GRIP1: variants seen among roughly 807,000 people sequenced by gnomAD.
The protein encoded by GRIP1 is glutamate receptor-interacting protein 1.
In GRIP1, 45 loss-of-function variants were observed where a neutral mutation model predicts 129.9. That is an observed-to-expected ratio of 0.35 (90% CI 0.27 to 0.44). The LOEUF is 0.44. GRIP1 is among the 20% of genes least tolerant of loss of function. GRIP1 has a pLI of 1.00. For synonymous variants in GRIP1, 530 were observed against 520.8 expected (o/e 1.02, Z -0.24); for missense variants, 1,196 against 1,396.8 (o/e 0.86, Z 2.29).
intron 1 of GRIP1, among the ~76,000 whole-genome samples, chr12:66,686,054 A>G (rs902833953): frequency 6.6e-6 from 1 of 152,246 alleles, no homozygotes; most frequent in African/African-American, 2.4e-5. Flanking sequence ...GAGGACGCTC[A>G]TAAATTACTT....
chr12:66,954,846 G>C (rs1455339064), intron 1 of GRIP1, among the ~76,000 whole-genome samples: 1 of 152,052 alleles, frequency 6.6e-6, no homozygotes, highest in Non-Finnish European at 1.5e-5. Flanking sequence ...ACGTGCTATG[G>C]GGGAGGCAGT....
intron 1 of GRIP1, among the ~76,000 whole-genome samples, chr12:67,067,060 G>C (rs2043642916): frequency 6.6e-6 from 1 of 151,716 alleles, no homozygotes; most frequent in Non-Finnish European, 1.5e-5. Context: ...ATTTAGAAAA[G>C]CATCTCTTAA....
chr12:66,477,966 G>T (rs1170407435), intron 7 of GRIP1, among the ~76,000 whole-genome samples: 1 of 151,756 alleles, frequency 6.6e-6, no homozygotes, highest in Non-Finnish European at 1.5e-5. Context: ...ACATAGGGAT[G>T]GGCAAGGACT....
intron 1 of GRIP1, among the ~76,000 whole-genome samples, chr12:66,889,481 T>C (rs953102775): frequency 1.3e-5 from 2 of 152,090 alleles, no homozygotes; most frequent in African/African-American, 4.8e-5. Context: ...AAAATAATAA[T>C]AATTTCAAAG....
chr12:66,929,560 CA>C (rs1947154012), intron 1 of GRIP1, among the ~76,000 whole-genome samples: 1 of 152,124 alleles, frequency 6.6e-6, no homozygotes, highest in Non-Finnish European at 1.5e-5. Context: ...ATTTTTGAAT[CA>C]TAAGTGAATA....
At chr12:66,781,729 C>T (rs1198333618) in intron 1 of GRIP1, among the ~76,000 whole-genome samples, 2 of 152,118 alleles carry the variant, frequency 1.3e-5, no homozygotes, top group Non-Finnish European at 2.9e-5. Flanking sequence ...GTAGAAGATA[C>T]AGGTATTGGA....
intron 2 of GRIP1, among the ~76,000 whole-genome samples, chr12:66,565,874 T>A (rs1009255591): frequency 6.6e-6 from 1 of 152,236 alleles, no homozygotes; most frequent in Non-Finnish European, 1.5e-5. Flanking sequence ...GGTATTTTAT[T>A]CTCTTTGAAA....
chr12:66,394,462 G>A (rs761011573), intron 16 of GRIP1, 110 bp from the exon 17 acceptor site: 11 of 898,906 alleles, frequency 1.2e-5, no homozygotes, highest in Non-Finnish European at 2.0e-5. Context: ...AAAGTATCAT[G>A]TCACAGAAAA....
chr12:67,061,735 A>C (rs1431690625), intron 1 of GRIP1, among the ~76,000 whole-genome samples: 2 of 152,206 alleles, frequency 1.3e-5, no homozygotes, highest in Non-Finnish European at 2.9e-5. Context: ...TATAAATAAA[A>C]GAAGAAAGCT....
chr12:66,556,378 A>G (rs2062334271), intron 2 of GRIP1, among the ~76,000 whole-genome samples: 1 of 152,162 alleles, frequency 6.6e-6, no homozygotes, highest in Non-Finnish European at 1.5e-5. Flanking sequence ...TAGACAAACA[A>G]AAGCTGAGGG....
chr12:67,041,339 T>C (rs1204947734), intron 1 of GRIP1, among the ~76,000 whole-genome samples: 2 of 152,098 alleles, frequency 1.3e-5, no homozygotes, highest in Admixed American at 6.6e-5. Flanking sequence ...TGTGTGTGTA[T>C]AGACACACAT....
intron 1 of GRIP1, among the ~76,000 whole-genome samples, chr12:66,911,795 TG>T (rs2041033753): frequency 6.6e-6 from 1 of 152,220 alleles, no homozygotes; most frequent in South Asian, 2.1e-4. Context: ...TTTGTTGGCA[TG>T]TTCAATGTGT....
At chr12:67,066,911 T>TATATATATATATATATATAC (rs1474197671) in intron 1 of GRIP1, among the ~76,000 whole-genome samples, 5 of 140,598 alleles carry the variant, frequency 3.6e-5, no homozygotes, top group African/African-American at 1.3e-4. Context: ...TATATATATA[T>TATATATATATATATATATAC]ACACACACAC....
chr12:66,664,068 T>A (rs1031945901), intron 1 of GRIP1, among the ~76,000 whole-genome samples: 8 of 152,196 alleles, frequency 5.3e-5, no homozygotes, highest in African/African-American at 1.9e-4. Context: ...GTCTTTAATA[T>A]GCTAATATGG....
intron 2 of GRIP1, among the ~76,000 whole-genome samples, chr12:66,559,544 C>T (rs912832879): frequency 6.6e-6 from 1 of 152,024 alleles, no homozygotes; most frequent in Non-Finnish European, 1.5e-5. Context: ...AGTGAACAAT[C>T]TGAAAAAGAA....
At chr12:66,416,635 T>C (rs1018561620) in intron 15 of GRIP1, among the ~76,000 whole-genome samples, 20 of 152,172 alleles carry the variant, frequency 1.3e-4, no homozygotes, top group African/African-American at 4.8e-4. Flanking sequence ...AGCAACTATA[T>C]GCCAATAAAT....
chr12:66,537,474 A>G (rs1309360185), intron 4 of GRIP1, among the ~76,000 whole-genome samples: 1 of 151,760 alleles, frequency 6.6e-6, no homozygotes, highest in Non-Finnish European at 1.5e-5. Flanking sequence ...ACTACTTGAC[A>G]ATATGTGTTC....
chr12:66,368,390 C>T (rs897638533), intron 23 of GRIP1, among the ~76,000 whole-genome samples: 1 of 152,178 alleles, frequency 6.6e-6, no homozygotes, highest in African/African-American at 2.4e-5. Flanking sequence ...TGCATACAGC[C>T]TAACCATGTG....
intron 16 of GRIP1, among the ~76,000 whole-genome samples, chr12:66,399,356 T>C (rs1435904582): frequency 6.6e-6 from 1 of 151,880 alleles, no homozygotes; most frequent in African/African-American, 2.4e-5. Context: ...TTTTGGAGAT[T>C]GAAGCACTCC....
Sources: allele counts gnomAD v4.1 joint callset (sites outside exome capture counted in the v4.1 genomes callset), GRCh38; gene constraint gnomAD v4.1.1; transcripts MANE v1.5; gene names NCBI Gene and HGNC (gene_info 2026-07-23, HGNC 2026-07-21).